LUZP2: variants seen among roughly 807,000 people sequenced by gnomAD.
LUZP2 encodes the protein leucine zipper protein 2.
In LUZP2, 52 loss-of-function variants were observed where a neutral mutation model predicts 51.6. The observed-to-expected ratio is 1.01, with a 90% confidence interval of 0.81 to 1.27. LUZP2 has a LOEUF of 1.27. Among genes scored for constraint, LUZP2 ranks in the 50% most tolerant of loss-of-function variants. LUZP2 has a pLI of 0.00. For missense variants in LUZP2, 436 were observed against 395.4 expected (o/e 1.10, Z -0.87); for synonymous variants, 154 against 137.3 (o/e 1.12, Z -0.85).
At chr11:24,513,729 T>TGG (rs1850380304) in intron 1 of LUZP2, among the ~76,000 whole-genome samples, 2 of 152,222 alleles carry the variant, frequency 1.3e-5, no homozygotes, top group Admixed American at 6.5e-5. Flanking sequence ...AATCAGTCAA[T>TGG]GAATTCCATT....
intron 7 of LUZP2, among the ~76,000 whole-genome samples, chr11:24,936,847 A>T (rs992362944): frequency 6.6e-6 from 1 of 152,186 alleles, no homozygotes; most frequent in South Asian, 2.1e-4. Context: ...CAATTTCATA[A>T]TCTCAACTCT....
intron 1 of LUZP2, among the ~76,000 whole-genome samples, chr11:24,703,956 A>G (rs576991711): frequency 2.0e-5 from 3 of 152,342 alleles, no homozygotes; most frequent in East Asian, 1.9e-4. Flanking sequence ...CATAGATGTA[A>G]GGTATGCTTA....
At chr11:25,051,359 C>T (rs559139688) in intron 10 of LUZP2, among the ~76,000 whole-genome samples, 1 of 152,162 alleles carries the variant, frequency 6.6e-6, no homozygotes, top group East Asian at 1.9e-4. Context: ...ACAGTTTTGC[C>T]TTCAACTCTT....
chr11:25,060,112 CT>C lies in LUZP2; in HGVS notation c.858+9984del, dbSNP rs535020762. Among the ~76,000 whole-genome samples the C allele has an allele frequency of 4.6e-3, 693 of 152,206 alleles. 6 individuals are homozygous for C. The highest frequency in any genetic ancestry group is 6.8e-3 in the Middle Eastern group (2 of 294). ...CAGAGCCTCAGTAAGTTGAGGTAAC[CT>C]TCCAAGTTCATACAATGAATGAAGG... On this transcript the variant is annotated intron_variant, in intron 10 of 11. Coordinates refer to ENST00000336930, the MANE Select transcript of LUZP2 (RefSeq NM_001009909.4).
intron 9 of LUZP2, among the ~76,000 whole-genome samples, chr11:25,003,687 T>A (rs1856757002): frequency 6.6e-6 from 1 of 152,170 alleles, no homozygotes; most frequent in Non-Finnish European, 1.5e-5. Flanking sequence ...AGTGGTGGGA[T>A]CTTTTAGCCT....
At chr11:25,006,889 G>C (rs1159255970) in intron 9 of LUZP2, among the ~76,000 whole-genome samples, 1 of 152,274 alleles carries the variant, frequency 6.6e-6, no homozygotes, top group African/African-American at 2.4e-5. Flanking sequence ...CCACAGCGTG[G>C]AAAGGGACCC....
intron 4 of LUZP2, among the ~76,000 whole-genome samples, chr11:24,747,740 T>TGG (rs1196318204): frequency 6.6e-6 from 1 of 151,992 alleles, no homozygotes; most frequent in Admixed American, 6.6e-5. Context: ...GTGGCTGTTG[T>TGG]GGGGGATGGG....
At chr11:24,675,993 A>T (rs1265400457) in intron 1 of LUZP2, among the ~76,000 whole-genome samples, 1 of 151,498 alleles carries the variant, frequency 6.6e-6, no homozygotes. Context: ...TAATTTTTGT[A>T]TTTTTAGTAG....
intron 1 of LUZP2, among the ~76,000 whole-genome samples, chr11:24,707,526 C>T (rs372566825): frequency 3.3e-5 from 5 of 152,118 alleles, no homozygotes; most frequent in African/African-American, 1.2e-4. Context: ...TCACATGGTT[C>T]TGGCGTCTGA....
At chr11:24,788,493 G>T (rs1590528841) in intron 5 of LUZP2, among the ~76,000 whole-genome samples, 1 of 151,904 alleles carries the variant, frequency 6.6e-6, no homozygotes, top group African/African-American at 2.4e-5. Context: ...CAGCCCAGAT[G>T]CCTATTTCAT....
At chr11:25,038,448 A>G (rs1052571391) in intron 9 of LUZP2, among the ~76,000 whole-genome samples, 1 of 152,240 alleles carries the variant, frequency 6.6e-6, no homozygotes, top group African/African-American at 2.4e-5. Context: ...TGAAAGAGTC[A>G]AAATCACACA....
chr11:24,632,283 C>T (rs1243020722), intron 1 of LUZP2, among the ~76,000 whole-genome samples: 1 of 151,754 alleles, frequency 6.6e-6, no homozygotes, highest in Non-Finnish European at 1.5e-5. Context: ...GACATAAAAC[C>T]TCGGCATTTG....
chr11:24,676,815 C>T (rs1856569870), intron 1 of LUZP2, among the ~76,000 whole-genome samples: 1 of 152,036 alleles, frequency 6.6e-6, no homozygotes, highest in South Asian at 2.1e-4. Context: ...AGTCACTCAC[C>T]ATCATGTCTG....
chr11:24,813,247 A>G (rs956526516), intron 5 of LUZP2, among the ~76,000 whole-genome samples: 3 of 152,128 alleles, frequency 2.0e-5, no homozygotes, highest in Non-Finnish European at 4.4e-5. Context: ...GTAGTTCTCT[A>G]TTCTCTTCAG....
chr11:24,878,488 C>A (rs930912706), intron 5 of LUZP2, among the ~76,000 whole-genome samples: 2 of 151,820 alleles, frequency 1.3e-5, no homozygotes, highest in African/African-American at 4.8e-5. Flanking sequence ...TTTTCCTGGA[C>A]CTTTGGGAGT....
intron 1 of LUZP2, among the ~76,000 whole-genome samples, chr11:24,651,031 C>T (rs1337009954): frequency 1.3e-5 from 2 of 152,056 alleles, no homozygotes; most frequent in East Asian, 3.9e-4. Flanking sequence ...AGGGCCATTA[C>T]ACCTTCAGGC....
chr11:24,683,645 T>C (rs138266646), intron 1 of LUZP2, among the ~76,000 whole-genome samples: 1,712 of 152,324 alleles, frequency 0.011, 31 homozygotes, highest in African/African-American at 0.039. Context: ...CATCAATTCA[T>C]TCATTAGAGA....
intron 10 of LUZP2, among the ~76,000 whole-genome samples, chr11:25,061,415 G>C (rs1266388471): frequency 6.6e-6 from 1 of 152,132 alleles, no homozygotes; most frequent in African/African-American, 2.4e-5. Flanking sequence ...TATCTGAGAG[G>C]CAGTGTTTAA....
chr11:24,656,767 C>T (rs1186168317), intron 1 of LUZP2, among the ~76,000 whole-genome samples: 1 of 152,174 alleles, frequency 6.6e-6, no homozygotes, highest in Non-Finnish European at 1.5e-5. Flanking sequence ...CAGGCCAAGT[C>T]CTAAGTCCGC....
Sources: allele counts gnomAD v4.1 joint callset (sites outside exome capture counted in the v4.1 genomes callset), GRCh38; gene constraint gnomAD v4.1.1; transcripts MANE v1.5; gene names NCBI Gene and HGNC (gene_info 2026-07-23, HGNC 2026-07-21).